Variants in CXADR observed in about 807,000 individuals in gnomAD.
CXADR encodes the protein CXADR cell adhesion molecule.
A neutral mutation model predicts 40.3 loss-of-function variants in CXADR; 20 were observed. That is an observed-to-expected ratio of 0.50 (90% CI 0.35 to 0.72). The LOEUF (loss-of-function observed/expected upper bound fraction) is 0.72, where lower values mean the gene tolerates loss of function less well. CXADR is among the 30% of genes least tolerant of loss of function. CXADR has a pLI of 0.01. For missense variants in CXADR, 332 were observed against 449.1 expected (o/e 0.74, Z 2.36); for synonymous variants, 150 against 161.3 (o/e 0.93, Z 0.53).
At chr21:17,612,354 G>T in the CXADR span, 1 of 152,248 alleles carries the variant, frequency 6.6e-6, no homozygotes, top group African/African-American at 2.4e-5. Flanking sequence ...ACACCGACGC[G>T]AAGGGGGTGG....
intron 6 of CXADR, among the ~76,000 whole-genome samples, chr21:17,563,834 G>T (rs542794525): frequency 2.7e-5 from 4 of 148,934 alleles, no homozygotes; most frequent in African/African-American, 9.8e-5. Flanking sequence ...CCAGCCACTC[G>T]GGAGGCTGAG....
the CXADR span, among the ~76,000 whole-genome samples, chr21:17,627,424 G>A: frequency 1.3e-5 from 2 of 152,154 alleles, no homozygotes; most frequent in Admixed American, 6.6e-5. Context: ...AACCAACAAG[G>A]AAGGACAAAG....
At chr21:17,530,514 T>G (rs980346059) in intron 1 of CXADR, 1 of 444,264 alleles carries the variant, frequency 2.3e-6, no homozygotes, top group African/African-American at 2.0e-5. Flanking sequence ...TTTGCCATTA[T>G]GAAATAACTA....
At chr21:17,626,149 A>C in the CXADR span, among the ~76,000 whole-genome samples, 1 of 152,104 alleles carries the variant, frequency 6.6e-6, no homozygotes, top group Non-Finnish European at 1.5e-5. Context: ...CTTCATGGGC[A>C]TTATTTTTCA....
the CXADR span, among the ~76,000 whole-genome samples, chr21:17,602,268 CCTTT>C: frequency 4.6e-5 from 7 of 152,080 alleles, no homozygotes; most frequent in African/African-American, 1.7e-4. Flanking sequence ...GAAGTGATAA[CCTTT>C]CTAACTATAT....
At chr21:17,590,719 T>C (rs2061428940) in intron 7 of CXADR, among the ~76,000 whole-genome samples, 1 of 152,016 alleles carries the variant, frequency 6.6e-6, no homozygotes, top group Non-Finnish European at 1.5e-5. Flanking sequence ...TTGTACACTC[T>C]GTTAAATTGC....
chr21:17,537,460 C>T (rs552003733), intron 1 of CXADR, among the ~76,000 whole-genome samples: 1 of 152,286 alleles, frequency 6.6e-6, no homozygotes, highest in Admixed American at 6.5e-5. Flanking sequence ...ATTGTTACAA[C>T]AAAGTGCTTT....
the CXADR span, among the ~76,000 whole-genome samples, chr21:17,630,022 G>A: frequency 2.0e-5 from 3 of 152,104 alleles, no homozygotes; most frequent in African/African-American, 4.8e-5. Flanking sequence ...TGCCCCAGGT[G>A]GGAGGTAAAT....
At chr21:17,589,100 G>T (rs2061417378) in intron 7 of CXADR, among the ~76,000 whole-genome samples, 1 of 151,358 alleles carries the variant, frequency 6.6e-6, no homozygotes. Context: ...TAATAATGGG[G>T]TTTTCTCCCA....
At chr21:17,613,188 G>T in the CXADR span, 1 of 152,222 alleles carries the variant, frequency 6.6e-6, no homozygotes, top group Admixed American at 6.5e-5. Flanking sequence ...AGGCCTGTGG[G>T]ACCCCCGCCC....
chr21:17,554,560 G>T (rs536023698), intron 3 of CXADR, among the ~76,000 whole-genome samples: 13 of 152,252 alleles, frequency 8.5e-5, no homozygotes, highest in African/African-American at 2.9e-4. Context: ...AAGTAGGGAC[G>T]ACTGGAACTC....
chr21:17,529,034 C>CT (rs10530177), intron 1 of CXADR, among the ~76,000 whole-genome samples: 4,130 of 120,902 alleles, frequency 0.034, 189 homozygotes, highest in African/African-American at 0.075. Context: ...GACTTTTTGT[C>CT]TTTTTTTTTT....
Position 17,590,748 on chromosome 21 carries a change from G to GA in CXADR, c.1018-2396dup, listed in dbSNP as rs112942639. ...AAATTGCCAAGTAACTGATAAGTAA[G>GA]AAAAAAAAGTTAAAGACTGTGACAG... is the stretch of plus-strand genomic sequence containing the variant. On this transcript the variant is annotated intron_variant, in intron 7 of 7. Coordinates refer to the CXADR transcript ENST00000400169. Among the ~76,000 whole-genome samples, 1,234 of 151,818 alleles carry GA rather than the reference G, an allele frequency of 8.1e-3. 25 individuals are homozygous for GA. The highest frequency in any genetic ancestry group is 0.028 in the African/African-American group (1,159 of 41,458).
intron 1 of CXADR, among the ~76,000 whole-genome samples, chr21:17,541,158 C>T (rs760888711): frequency 4.6e-5 from 7 of 151,976 alleles, no homozygotes; most frequent in Admixed American, 2.0e-4. Context: ...TAGTTTACAT[C>T]GGGGTTCACT....
At chr21:17,635,198 T>G in the CXADR span, among the ~76,000 whole-genome samples, 1 of 152,230 alleles carries the variant, frequency 6.6e-6, no homozygotes, top group African/African-American at 2.4e-5. Context: ...CGTAAAGTCC[T>G]GCCCAAAGTC....
chr21:17,534,937 A>G (rs969302582), intron 1 of CXADR, among the ~76,000 whole-genome samples: 1 of 151,796 alleles, frequency 6.6e-6, no homozygotes, highest in African/African-American at 2.4e-5. Flanking sequence ...GGCACATGCC[A>G]CCACGCCAAG....
chr21:17,586,862 G>A (rs60429739), intron 7 of CXADR, among the ~76,000 whole-genome samples: 5,219 of 152,108 alleles, frequency 0.034, 186 homozygotes, highest in East Asian at 0.18. Context: ...AACATTAGGT[G>A]TATCTCCTAA....
downstream of CXADR, among the ~76,000 whole-genome samples, chr21:17,597,383 CAG>C (rs1341160214): frequency 6.6e-6 from 1 of 150,994 alleles, no homozygotes; most frequent in Non-Finnish European, 1.5e-5. Context: ...ATCCATCACA[CAG>C]AGAAAAAAAA....
At chr21:17,606,584 G>T in the CXADR span, among the ~76,000 whole-genome samples, 1 of 152,042 alleles carries the variant, frequency 6.6e-6, no homozygotes, top group African/African-American at 2.4e-5. Flanking sequence ...TACAATTAAG[G>T]TGATACAGGC....
Sources: allele counts gnomAD v4.1 joint callset (sites outside exome capture counted in the v4.1 genomes callset), GRCh38; gene constraint gnomAD v4.1.1; transcripts MANE v1.5; gene names NCBI Gene and HGNC (gene_info 2026-07-23, HGNC 2026-07-21).